KIAA0825: variants seen among roughly 807,000 people sequenced by gnomAD.
KIAA0825 encodes the protein KIAA0825, also known as uncharacterized protein KIAA0825.
In KIAA0825, 119 loss-of-function variants were observed where a neutral mutation model predicts 147.6. That is an observed-to-expected ratio of 0.81 (90% confidence interval 0.69 to 0.94). The LOEUF (loss-of-function observed/expected upper bound fraction) is 0.94. Among genes scored for constraint, KIAA0825 ranks in the 40% least tolerant of loss-of-function variants. The pLI is 0.00. For missense variants in KIAA0825, 1,381 were observed against 1,472.7 expected, an observed-to-expected ratio of 0.94 and a Z score of 1.02; for synonymous variants, 470 against 518.1, an observed-to-expected ratio of 0.91 and a Z score of 1.26.
intron 2 of KIAA0825, among the ~76,000 whole-genome samples, chr5:94,577,123 G>A (rs1781204323): frequency 6.6e-6 from 1 of 151,864 alleles, no homozygotes; most frequent in Non-Finnish European, 1.5e-5. Context: ...TAGCTTCTAA[G>A]TTGATTTCAG....
intron 20 of KIAA0825, among the ~76,000 whole-genome samples, chr5:94,174,063 T>C (rs1768875039): frequency 6.6e-6 from 1 of 152,220 alleles, no homozygotes; most frequent in Non-Finnish European, 1.5e-5. Flanking sequence ...CTTGATCTCT[T>C]TCTTGCTGTT....
intron 13 of KIAA0825, among the ~76,000 whole-genome samples, chr5:94,444,456 A>G (rs1249919890): frequency 6.6e-6 from 1 of 152,058 alleles, no homozygotes; most frequent in Non-Finnish European, 1.5e-5. Context: ...GCATCTCTCA[A>G]TGCTTTCATG....
chr5:94,361,777 T>C (rs1745094758), intron 20 of KIAA0825, among the ~76,000 whole-genome samples: 1 of 152,154 alleles, frequency 6.6e-6, no homozygotes, highest in African/African-American at 2.4e-5. Flanking sequence ...TCAGAAACCC[T>C]TGGGGTCTAT....
intron 2 of KIAA0825, among the ~76,000 whole-genome samples, chr5:94,537,351 G>A (rs2151338358): frequency 6.6e-6 from 1 of 152,232 alleles, no homozygotes; most frequent in Admixed American, 6.5e-5. Context: ...TCGCACTTCT[G>A]TATTGTTTGA....
chr5:94,240,202 A>G (rs1775277410), intron 20 of KIAA0825, among the ~76,000 whole-genome samples: 1 of 152,232 alleles, frequency 6.6e-6, no homozygotes, highest in African/African-American at 2.4e-5. Flanking sequence ...CGGCTAACCC[A>G]TATTAAGGTC....
intron 10 of KIAA0825, among the ~76,000 whole-genome samples, chr5:94,469,284 C>T (rs959224761): frequency 6.6e-6 from 1 of 151,942 alleles, no homozygotes; most frequent in Non-Finnish European, 1.5e-5. Flanking sequence ...CATTCTCCTG[C>T]CTCAGCCTCC....
Position 94,151,462 on chromosome 5 carries a change from A to G in KIAA0825, c.*2545T>C, listed in dbSNP as rs939539474. Reference sequence around the variant, plus strand: ...AAAAAAAAAAAAAAACATATTGAGTATAAAGTCAAAATAATCTGATAAATC... The same window carrying G: ...AAAAAAAAAAAAAAACATATTGAGTGTAAAGTCAAAATAATCTGATAAATC... On this transcript the variant is annotated 3_prime_UTR_variant, in exon 21 of 21. Coordinates refer to ENST00000682413, the MANE Select transcript of KIAA0825 (RefSeq NM_001145678.3). 2.0e-5 allele frequency among the ~76,000 whole-genome samples: 3 copies of G among 150,024 alleles called. No homozygotes were observed. Among genetic ancestry groups the G allele is most frequent in the South Asian group, 2.1e-4 (1 of 4,750 alleles).
At chr5:94,358,193 A>G (rs934493647) in intron 20 of KIAA0825, among the ~76,000 whole-genome samples, 2 of 152,192 alleles carry the variant, frequency 1.3e-5, no homozygotes, top group African/African-American at 2.4e-5. Context: ...CTTGAGTGCA[A>G]GGCAGCACTG....
At chr5:94,545,760 C>T (rs1774227357) in intron 2 of KIAA0825, among the ~76,000 whole-genome samples, 1 of 152,182 alleles carries the variant, frequency 6.6e-6, no homozygotes, top group Non-Finnish European at 1.5e-5. Flanking sequence ...GATATGTTGA[C>T]TTTAGGTGAA....
chr5:94,534,578 C>A (rs1310959728), intron 3 of KIAA0825, among the ~76,000 whole-genome samples: 1 of 152,044 alleles, frequency 6.6e-6, no homozygotes, highest in Non-Finnish European at 1.5e-5. Flanking sequence ...AAAATTATAT[C>A]CTATGTTCCA....
At chr5:94,205,827 G>A (rs1434551794) in intron 20 of KIAA0825, among the ~76,000 whole-genome samples, 1 of 152,110 alleles carries the variant, frequency 6.6e-6, no homozygotes, top group Non-Finnish European at 1.5e-5. Flanking sequence ...TGCTTTGTCA[G>A]CTAGGATGCC....
chr5:94,566,192 T>C (rs1474529138), intron 2 of KIAA0825, among the ~76,000 whole-genome samples: 1 of 152,182 alleles, frequency 6.6e-6, no homozygotes, highest in Non-Finnish European at 1.5e-5. Context: ...ACTGAGGTGG[T>C]ATGTTCATTT....
intron 2 of KIAA0825, among the ~76,000 whole-genome samples, chr5:94,551,466 A>T (rs1775526270): frequency 6.6e-6 from 1 of 152,142 alleles, no homozygotes; most frequent in Non-Finnish European, 1.5e-5. Context: ...AAACGGCAAG[A>T]GAAAAGCATT....
intron 17 of KIAA0825, among the ~76,000 whole-genome samples, chr5:94,393,442 C>T (rs751027047): frequency 5.3e-5 from 8 of 152,206 alleles, no homozygotes; most frequent in Non-Finnish European, 1.0e-4. Flanking sequence ...AATAGTAATG[C>T]TTTCAGGCAG....
chr5:94,418,646 T>C (rs1293396906), intron 14 of KIAA0825, among the ~76,000 whole-genome samples: 1 of 152,064 alleles, frequency 6.6e-6, no homozygotes, highest in Non-Finnish European at 1.5e-5. Flanking sequence ...TTTGCTAGAA[T>C]TGTTGACAAA....
chr5:94,519,392 C>T, intron 5 of KIAA0825: 2 of 905,170 alleles, frequency 2.2e-6, no homozygotes, highest in Non-Finnish European at 2.6e-6. Context: ...TATATAAAAG[C>T]ATAACTAATG....
At chr5:94,518,660 G>C (rs1031476249) in intron 5 of KIAA0825, among the ~76,000 whole-genome samples, 1 of 152,112 alleles carries the variant, frequency 6.6e-6, no homozygotes, top group African/African-American at 2.4e-5. Flanking sequence ...CATTAGCGCA[G>C]TGTTTGGCAT....
Position 94,195,739 on chromosome 5 carries a change from TA to T in KIAA0825, c.3711-41616del, listed in dbSNP as rs1184021640. ...ACATATGTTATAGTCACATGTAATA[TA>T]AAGTTGTATAAAATTAACATTTGAA... On this transcript the variant is annotated intron_variant, in intron 20 of 20. Transcript: ENST00000682413. Among the ~76,000 whole-genome samples the T allele has an allele frequency of 2.0e-5, 3 of 152,254 alleles. No individual in the cohort carries two copies. In the East Asian group the frequency reaches 5.8e-4, roughly 29 times the overall value.
At chr5:94,429,984 A>C (rs1321475836) in intron 14 of KIAA0825, among the ~76,000 whole-genome samples, 1 of 152,168 alleles carries the variant, frequency 6.6e-6, no homozygotes, top group Non-Finnish European at 1.5e-5. Flanking sequence ...TGGTTGATCC[A>C]GATGAGTGGT....
Sources: gnomAD v4.1 joint callset for allele counts (sites outside exome capture counted in the v4.1 genomes callset) on GRCh38, gnomAD v4.1.1 for gene constraint, MANE v1.5 for transcripts, NCBI Gene and HGNC (gene_info 2026-07-23, HGNC 2026-07-21) for gene names.